The following STK32C variants were observed in gnomAD, a reference collection of about 807,000 sequenced individuals.
The protein encoded by STK32C is serine/threonine-protein kinase 32C.
A neutral mutation model predicts 56.5 loss-of-function variants in STK32C; 31 were observed. The observed-to-expected ratio is 0.55, with a 90% CI of 0.41 to 0.74. The LOEUF is 0.74. STK32C is among the 30% of genes least tolerant of loss of function. The pLI is 0.00. For synonymous variants in STK32C, 309 were observed against 289.4 expected, an observed-to-expected ratio of 1.07 and a Z score of -0.69; for missense variants, 544 against 676.9, an observed-to-expected ratio of 0.80 and a Z score of 2.18.
At position 132,256,457 on chromosome 10, in the gene STK32C, C is replaced by T. The variant is rs1200551596; in HGVS notation, c.263-10502G>A. On this transcript the variant is annotated intron_variant, in intron 1 of 11. Transcript: ENST00000298630. ...TGTTCCGGTGTTTAATATCGACATC[C>T]TCAGACAACACGGGGATCTGCCATA... Among the ~76,000 whole-genome samples the T allele has an allele frequency of 4.6e-5, 7 of 152,210 alleles. No individual in the cohort carries two copies. The East Asian group carries it at 1.3e-3, about 29-fold the overall frequency.
chr10:132,317,959 C>T (rs1214125774), intron 1 of STK32C, among the ~76,000 whole-genome samples: 7 of 134,244 alleles, frequency 5.2e-5, no homozygotes, highest in African/African-American at 2.0e-4. Flanking sequence ...GCCTGTGAGA[C>T]TCTGTCTCAA....
rs1033362404 is a variant in STK32C, at chr10:132,246,042, C to T, written c.263-87G>A. ...TCCCCCACCTCAACATCCCCCACCC[C>T]GACACTGCCCAGGGCCCCTCATCCT... On this transcript the variant is annotated intron_variant, in intron 1 of 11. Coordinates refer to ENST00000298630, the MANE Select transcript of STK32C (RefSeq NM_173575.4). 56 of 1,300,982 alleles carry T rather than the reference C, an allele frequency of 4.3e-5. No individual in the cohort carries two copies. The Admixed American group carries it at 4.6e-4, about 11-fold the overall frequency. The allele number at this position is 1,300,982 out of a possible 1,614,324, so 80.6% of individuals were successfully genotyped here.
intron 7 of STK32C, among the ~76,000 whole-genome samples, chr10:132,224,748 T>A (rs2062820102): frequency 6.6e-6 from 1 of 151,978 alleles, no homozygotes; most frequent in Non-Finnish European, 1.5e-5. Context: ...CTGGCTGGGA[T>A]CCCAGGGGGC....
intron 2 of STK32C, among the ~76,000 whole-genome samples, chr10:132,240,428 G>C (rs761776220): frequency 6.6e-6 from 1 of 152,170 alleles, no homozygotes; most frequent in African/African-American, 2.4e-5. Context: ...ACGGCACAGG[G>C]GGCCCAGGTA....
chr10:132,278,849 A>T (rs529933305), intron 1 of STK32C, among the ~76,000 whole-genome samples: 56 of 152,328 alleles, frequency 3.7e-4, no homozygotes, highest in Middle Eastern at 3.4e-3. Context: ...TTTTCTTACA[A>T]GGAACTTATA....
intron 2 of STK32C, among the ~76,000 whole-genome samples, chr10:132,243,745 T>C (rs1199605431): frequency 2.0e-5 from 3 of 152,146 alleles, no homozygotes; most frequent in African/African-American, 7.2e-5. Flanking sequence ...GCCATGGCCC[T>C]GGTGGTAGAG....
At chr10:132,283,148 G>C (rs2065267922) in intron 1 of STK32C, among the ~76,000 whole-genome samples, 1 of 152,236 alleles carries the variant, frequency 6.6e-6, no homozygotes, top group Non-Finnish European at 1.5e-5. Context: ...GACCCAGCCG[G>C]GAGGCCGGCC....
chr10:132,214,272 G>T (rs905457026), intron 10 of STK32C, among the ~76,000 whole-genome samples: 4 of 147,460 alleles, frequency 2.7e-5, no homozygotes, highest in Non-Finnish European at 3.0e-5. Context: ...AGCTGGGGGT[G>T]GGGGGTGGCG....
chr10:132,255,846 G>A lies in STK32C; in HGVS notation c.263-9891C>T, dbSNP rs988766533. On this transcript the variant is annotated intron_variant, in intron 1 of 11. Transcript: ENST00000298630. The surrounding 1 kb of genome is among the most constrained non-coding windows in gnomAD (Gnocchi z 4.6). Reference sequence around the variant, plus strand: ...GCCCAGCATTACGTGCGCTGCCCACGCATCTCCGAGGGCCCAGCTGGCCAC... The same window carrying A: ...GCCCAGCATTACGTGCGCTGCCCACACATCTCCGAGGGCCCAGCTGGCCAC... 9.2e-5 allele frequency among the ~76,000 whole-genome samples: 14 copies of A among 152,304 alleles called. No homozygotes were observed. Among genetic ancestry groups the A allele is most frequent in the African/African-American group, 2.6e-4 (11 of 41,578 alleles).
chr10:132,226,672 G>T, intron 4 of STK32C, 123 bp downstream of exon 4: 1 of 1,183,782 alleles, frequency 8.4e-7, no homozygotes, highest in Non-Finnish European at 1.2e-6. Flanking sequence ...ACTCAGGCAA[G>T]GGTGGGGCAG....
chr10:132,278,413 A>C (rs1590366570), intron 1 of STK32C, among the ~76,000 whole-genome samples: 2 of 152,242 alleles, frequency 1.3e-5, no homozygotes, highest in Non-Finnish European at 2.9e-5. Flanking sequence ...GATACACAGA[A>C]CGCTACAAAA....
chr10:132,259,691 AG>A (rs1279384040), intron 1 of STK32C, among the ~76,000 whole-genome samples: 1 of 152,214 alleles, frequency 6.6e-6, no homozygotes, highest in Non-Finnish European at 1.5e-5. Flanking sequence ...AGCCTGCAGA[AG>A]TGAGTCCATT....
intron 1 of STK32C, among the ~76,000 whole-genome samples, chr10:132,303,982 G>C (rs550312984): frequency 6.6e-6 from 1 of 152,102 alleles, no homozygotes; most frequent in African/African-American, 2.4e-5. Context: ...GTTACCCCAC[G>C]ACAGCATGGC....
intron 1 of STK32C, among the ~76,000 whole-genome samples, chr10:132,297,456 G>A (rs2065785516): frequency 6.6e-6 from 1 of 152,214 alleles, no homozygotes; most frequent in South Asian, 2.1e-4. Context: ...TACTAGCTGG[G>A]CCACGCACTC....
intron 1 of STK32C, among the ~76,000 whole-genome samples, chr10:132,282,951 C>T (rs1250562957): frequency 2.6e-5 from 4 of 152,216 alleles, no homozygotes; most frequent in South Asian, 4.1e-4. Context: ...AGGCTGGGGT[C>T]GGGGAGGCTG....
At chr10:132,330,510 T>C in intron 1 of STK32C, 2 of 716,768 alleles carry the variant, frequency 2.8e-6, no homozygotes, top group Admixed American at 2.0e-5. Context: ...GTTGGGTATG[T>C]ACGAAAACTT....
intron 2 of STK32C, among the ~76,000 whole-genome samples, chr10:132,242,594 G>T (rs2137894725): frequency 6.6e-6 from 1 of 152,120 alleles, no homozygotes; most frequent in South Asian, 2.1e-4. Context: ...AACCATCACA[G>T]CCCCCGCTGC....
chr10:132,317,040 G>A (rs1186862414), intron 1 of STK32C, among the ~76,000 whole-genome samples: 2 of 150,208 alleles, frequency 1.3e-5, no homozygotes, highest in African/African-American at 2.4e-5. Flanking sequence ...GATGAAGAAA[G>A]GCATGTTGTG....
chr10:132,291,666 C>A (rs559098374), intron 1 of STK32C, among the ~76,000 whole-genome samples: 1 of 152,316 alleles, frequency 6.6e-6, no homozygotes, highest in East Asian at 1.9e-4. Flanking sequence ...AACGCTGAGG[C>A]TGAGCTATGC....
Sources: gnomAD v4.1 joint callset for allele counts (sites outside exome capture counted in the v4.1 genomes callset) on GRCh38, gnomAD v4.1.1 for gene constraint, Gnocchi (gnomAD v3.1) non-coding constraint, MANE v1.5 for transcripts, NCBI Gene and HGNC (gene_info 2026-07-23, HGNC 2026-07-21) for gene names.